The following SYNE2 variants were observed in gnomAD, a reference collection of about 807,000 sequenced individuals.
SYNE2 encodes spectrin repeat containing nuclear envelope protein 2.
In SYNE2, 431 loss-of-function variants were observed where a neutral mutation model predicts 856.3. The observed-to-expected ratio is 0.50, with a 90% CI of 0.47 to 0.55. The LOEUF (loss-of-function observed/expected upper bound fraction) is 0.55, where lower values mean the gene tolerates loss of function less well. Ranked by LOEUF, SYNE2 falls within the 20% of genes least tolerant of loss-of-function variation. SYNE2 has a pLI of 0.00. For missense variants in SYNE2, 8,129 were observed against 8,023.2 expected (o/e 1.01, Z -0.50); for synonymous variants, 2,923 against 2,872.3 (o/e 1.02, Z -0.56).
chr14:64,017,549 A>G, intron 33 of SYNE2, 46 bp from the exon 34 acceptor site: 2 of 1,508,266 alleles, frequency 1.3e-6, no homozygotes, highest in Non-Finnish European at 1.8e-6. Flanking sequence ...TGGTTTTCAG[A>G]CTTTTCACTG....
At chr14:64,164,692 G>C (rs935956406) in intron 89 of SYNE2, among the ~76,000 whole-genome samples, 2 of 152,134 alleles carry the variant, frequency 1.3e-5, no homozygotes, top group African/African-American at 4.8e-5. Flanking sequence ...CTGAGAGAAC[G>C]GAGTGCTCAC....
intron 82 of SYNE2, among the ~76,000 whole-genome samples, chr14:64,142,466 G>C (rs1390223832): frequency 6.6e-6 from 1 of 152,082 alleles, no homozygotes; most frequent in African/African-American, 2.4e-5. Flanking sequence ...TGGAATGCCA[G>C]GGCCCACGTT....
At chr14:63,926,122 G>A (rs1028906192) in intron 2 of SYNE2, among the ~76,000 whole-genome samples, 12 of 152,052 alleles carry the variant, frequency 7.9e-5, no homozygotes, top group Non-Finnish European at 1.5e-4. Flanking sequence ...AGGATTACAG[G>A]TGTGAGCCAC....
Position 64,021,354 on chromosome 14 carries a change from C to G in SYNE2, c.5191C>G (p.Gln1731Glu). Residue 1731 changes from glutamine (Q) to glutamate (E), a missense_variant, in exon 36 of 116, where the codon CAG (glutamine) becomes GAG (glutamate). By Grantham distance (29) the Gln-to-Glu change is conservative. Coordinates refer to ENST00000555002, the MANE Select transcript of SYNE2 (RefSeq NM_182914.3). ...SSILNKMEHV[Q>E]KCLTGESNCH... The stretch of plus-strand genomic sequence containing the variant: ...TATTTTGAACAAGATGGAACATGTA[C>G]AGAAGTGCTTAACAGGAGAATCCAA... 6.2e-7 allele frequency: 1 copy of G among 1,614,076 alleles called. No homozygotes were observed. Among genetic ancestry groups the G allele is most frequent in the Non-Finnish European group, 8.5e-7 (1 of 1,179,996 alleles).
At chr14:64,047,888 A>T in intron 45 of SYNE2, 112 bp from the exon 46 acceptor site, 2 of 1,166,040 alleles carry the variant, frequency 1.7e-6, no homozygotes, top group Non-Finnish European at 2.5e-6. Context: ...TATACTTTTT[A>T]AGTCTATAAT....
At chr14:64,039,564 A>G (rs2097131406) in intron 45 of SYNE2, among the ~76,000 whole-genome samples, 1 of 152,224 alleles carries the variant, frequency 6.6e-6, no homozygotes, top group South Asian at 2.1e-4. Flanking sequence ...AGAAAAAGCA[A>G]CATTTTAAAA....
In SYNE2 at chr14:63,837,997, T is replaced by C. The variant is rs1177114504; in HGVS notation, c.-304-14504T>C. Among the ~76,000 whole-genome samples, 12 of 139,558 alleles carry C rather than the reference T, an allele frequency of 8.6e-5. No homozygotes were observed. In the Admixed American group the frequency reaches 8.6e-4, roughly 10 times the overall value. The allele number at this position is 139,558 out of a possible 152,430, so 91.6% of individuals were successfully genotyped here. A position where few individuals can be genotyped will look rare whatever the true frequency, so the allele number is the denominator to read the frequency against. On this transcript the variant is annotated intron_variant, in intron 1 of 23. Coordinates refer to the SYNE2 transcript ENST00000674003. Reference sequence around the variant, plus strand: ...TTTCCAAAAAAATGCAAATGTCCAATAAGCACATAAAAGATGCTCAACATC... The same window carrying C: ...TTTCCAAAAAAATGCAAATGTCCAACAAGCACATAAAAGATGCTCAACATC...
At chr14:63,955,269 T>C (rs1348929522) in intron 8 of SYNE2, among the ~76,000 whole-genome samples, 2 of 152,194 alleles carry the variant, frequency 1.3e-5, no homozygotes, top group African/African-American at 4.8e-5. Flanking sequence ...GTTGTTTATA[T>C]GTCTCTCCTT....
chr14:63,843,980 A>G (rs1277199854), intron 1 of SYNE2, among the ~76,000 whole-genome samples: 1 of 152,220 alleles, frequency 6.6e-6, no homozygotes, highest in Non-Finnish European at 1.5e-5. Context: ...TTTCCCCGCT[A>G]TCAGCATCCG....
intron 52 of SYNE2, among the ~76,000 whole-genome samples, chr14:64,071,810 A>G (rs570595045): frequency 1.3e-5 from 2 of 152,098 alleles, no homozygotes. Context: ...TGAGGTCAGG[A>G]GTTCGAGACT....
chr14:64,203,056 G>A, intron 100 of SYNE2, 93 bp downstream of exon 100: 1 of 1,479,730 alleles, frequency 6.8e-7, no homozygotes. Flanking sequence ...GTTTTCACGT[G>A]CTCACATTCC....
chr14:63,977,276 G>A (rs1009084387), intron 12 of SYNE2, among the ~76,000 whole-genome samples: 35 of 152,020 alleles, frequency 2.3e-4, no homozygotes, highest in African/African-American at 7.0e-4. Flanking sequence ...GCAGTGGCGC[G>A]ATCTTGGCTC....
At chr14:64,086,702 C>CTTT (rs56168321) in intron 57 of SYNE2, among the ~76,000 whole-genome samples, 41 of 64,618 alleles carry the variant, frequency 6.3e-4, no homozygotes, top group East Asian at 1.0e-3. Context: ...GTATGCAGGT[C>CTTT]TTTTTTTTTT....
At chr14:64,089,282 C>T (rs1364622227) in intron 58 of SYNE2, among the ~76,000 whole-genome samples, 1 of 141,214 alleles carries the variant, frequency 7.1e-6, no homozygotes, top group Admixed American at 7.7e-5. Flanking sequence ...AGGAGAATCG[C>T]TTGAACCTGG....
intron 99 of SYNE2, among the ~76,000 whole-genome samples, chr14:64,199,713 CAAAAAAAAAA>C (rs34710996): frequency 3.0e-5 from 2 of 66,060 alleles, no homozygotes; most frequent in African/African-American, 5.8e-5. Context: ...GACTCTGTCT[CAAAAAAAAAA>C]AAAAAAAAAA....
intron 1 of SYNE2, among the ~76,000 whole-genome samples, chr14:63,874,168 C>T (rs1473854339): frequency 1.3e-5 from 2 of 152,146 alleles, no homozygotes; most frequent in Non-Finnish European, 2.9e-5. Flanking sequence ...CATTACGTAT[C>T]TATGAGATGT....
At chr14:63,867,854 T>C (rs1895836846) in intron 1 of SYNE2, among the ~76,000 whole-genome samples, 1 of 151,974 alleles carries the variant, frequency 6.6e-6, no homozygotes, top group South Asian at 2.1e-4. Context: ...ATCTGGGAGT[T>C]CAAAACCCAC....
upstream of SYNE2, among the ~76,000 whole-genome samples, chr14:63,852,296 C>T (rs932845451): frequency 6.6e-6 from 1 of 152,064 alleles, no homozygotes; most frequent in African/African-American, 2.4e-5. Context: ...TGGCATCATC[C>T]TGGGTCCAAA....
At chr14:63,958,092 T>A (rs2096263505) in intron 8 of SYNE2, among the ~76,000 whole-genome samples, 1 of 152,192 alleles carries the variant, frequency 6.6e-6, no homozygotes, top group Non-Finnish European at 1.5e-5. Context: ...TTTAGATTTA[T>A]GGAAAAATTG....
Sources: allele counts gnomAD v4.1 joint callset (sites outside exome capture counted in the v4.1 genomes callset), GRCh38; gene constraint gnomAD v4.1.1; transcripts MANE v1.5; gene names NCBI Gene and HGNC (gene_info 2026-07-23, HGNC 2026-07-21).